The following WDR17 variants were observed in gnomAD, a reference collection of about 807,000 sequenced individuals.
The protein encoded by WDR17 is WD repeat-containing protein 17.
WDR17 carries 143 observed loss-of-function variants against 161.7 expected under a neutral mutation model. The observed-to-expected ratio is 0.88, with a 90% CI of 0.77 to 1.02. WDR17 has a LOEUF of 1.02. Ranked by LOEUF, WDR17 falls within the 50% of genes least tolerant of loss-of-function variation. The pLI is 0.00. For missense variants in WDR17, 1,469 were observed against 1,520.9 expected, an observed-to-expected ratio of 0.97 and a Z score of 0.57; for synonymous variants, 517 against 515.6, an observed-to-expected ratio of 1.00 and a Z score of -0.04.
rs900506871 is a variant in WDR17 at position 176,166,815 on chromosome 4, A to G, written c.2991-1857A>G. Among the ~76,000 whole-genome samples, 7 of 152,200 alleles carry G rather than the reference A, an allele frequency of 4.6e-5. No individual in the cohort carries two copies. The South Asian group carries it at 6.2e-4, about 13-fold the overall frequency. ...ACTACTCTAACTTGGAACCTGCCCA[A>G]TGTAATAGAAAATGTGGCAGTTTGG... On this transcript the variant is annotated intron_variant, in intron 22 of 28. Coordinates refer to ENST00000508596, the MANE Select transcript of WDR17 (RefSeq NM_181265.4).
chr4:176,179,753 A>G lies in WDR17; in HGVS notation c.*174A>G. 1 of 310,950 alleles carries G rather than the reference A, an allele frequency of 3.2e-6. No individual in the cohort carries two copies. Among genetic ancestry groups the G allele is most frequent in the Non-Finnish European group, 5.3e-6 (1 of 188,288 alleles). The allele number at this position is 310,950 out of a possible 1,614,324, so 19.3% of individuals were successfully genotyped here. ...TTAACTTCAAAATATATATATATATATAATTTAAAGGAAAAATAGGTGCCT... is the reference window on the plus strand; with the variant it reads ...TTAACTTCAAAATATATATATATATGTAATTTAAAGGAAAAATAGGTGCCT... On this transcript the variant is annotated 3_prime_UTR_variant, in exon 29 of 29. Coordinates refer to ENST00000508596, the MANE Select transcript of WDR17 (RefSeq NM_181265.4).
rs1412136825 is a variant in WDR17 at position 176,125,248 on chromosome 4, A to G, written c.683A>G (p.Asp228Gly). ...TTGCATTATGGAATTCGCCTGGTAG[A>G]TTCTGAATCACTTTCTTGCATAACA... is the stretch of plus-strand genomic sequence containing the variant. ...VNLHYGIRLV[D>G]SESLSCITTF... The change falls in exon 5 of 29, where the codon GAT (aspartate) becomes GGT (glycine). Residue 228 changes from aspartate (D) to glycine (G), a missense_variant. Coordinates refer to ENST00000508596, the MANE Select transcript of WDR17 (RefSeq NM_181265.4). 6.2e-7 allele frequency: 1 copy of G among 1,614,162 alleles called. No individual in the cohort carries two copies. Among genetic ancestry groups the G allele is most frequent in the Admixed American group, 1.7e-5 (1 of 60,016 alleles).
At chr4:176,085,815 C>T (rs922942434) in intron 1 of WDR17, among the ~76,000 whole-genome samples, 2 of 151,856 alleles carry the variant, frequency 1.3e-5, no homozygotes, top group Admixed American at 6.6e-5. Context: ...GGAATGATTT[C>T]CTTTTCTACA....
Position 176,181,443 on chromosome 4 carries a change from G to T in WDR17, c.*1864G>T. The T allele has an allele frequency of 4.9e-6, 1 of 205,396 alleles. No individual in the cohort carries two copies. Among genetic ancestry groups the T allele is most frequent in the South Asian group, 9.2e-5 (1 of 10,906 alleles). The allele number at this position is 205,396 out of a possible 1,614,324, so 12.7% of individuals were successfully genotyped here. A position where few individuals can be genotyped will look rare whatever the true frequency, so the allele number is the denominator to read the frequency against. On this transcript the variant is annotated 3_prime_UTR_variant, in exon 29 of 29. Coordinates refer to ENST00000508596, the MANE Select transcript of WDR17 (RefSeq NM_181265.4). ...GATCGCACTACTGCACTCCAGCCTG[G>T]GCGACAGAGCAAGACCACCATCTCC...
Position 176,182,812 on chromosome 4 carries a change from C to T in WDR17, c.*3233C>T, listed in dbSNP as rs181077179. 6.6e-6 allele frequency: 1 copy of T among 152,038 alleles called. No individual in the cohort carries two copies. The highest frequency in any genetic ancestry group is 1.5e-5 in the Non-Finnish European group (1 of 67,986). 9.4% of individuals were successfully genotyped at this position (152,038 alleles called of 1,614,324 possible). A position where few individuals can be genotyped will look rare whatever the true frequency, so the allele number is the denominator to read the frequency against. On this transcript the variant is annotated 3_prime_UTR_variant, in exon 29 of 29. Coordinates refer to ENST00000508596, the MANE Select transcript of WDR17 (RefSeq NM_181265.4). This position sits in a 1 kb window ranked among gnomAD's most constrained non-coding sequence, Gnocchi z 4.2. ...TTTTAATAAATATTACAGTTAAATC[C>T]TGATATGACATAGTTACCGGCTAAG... is the stretch of plus-strand genomic sequence containing the variant.
chr4:176,124,628 G>C (rs1341237013), intron 4 of WDR17, among the ~76,000 whole-genome samples: 1 of 152,114 alleles, frequency 6.6e-6, no homozygotes, highest in African/African-American at 2.4e-5. Context: ...TGAGGCACAG[G>C]GAGATTAAGT....
At chr4:176,080,010 A>C (rs1450587154) in intron 1 of WDR17, among the ~76,000 whole-genome samples, 1 of 152,072 alleles carries the variant, frequency 6.6e-6, no homozygotes, top group Non-Finnish European at 1.5e-5. Context: ...CTCATGATCT[A>C]ATCAATTTTA....
At chr4:176,092,607 A>C (rs1163845464) in intron 1 of WDR17, among the ~76,000 whole-genome samples, 1 of 152,200 alleles carries the variant, frequency 6.6e-6, no homozygotes, top group Non-Finnish European at 1.5e-5. Context: ...CCTTGTTTGC[A>C]GAGGATATGA....
chr4:176,096,547 T>C (rs761805571), intron 1 of WDR17: 13 of 1,600,382 alleles, frequency 8.1e-6, no homozygotes, highest in Non-Finnish European at 1.0e-5. Context: ...CATTTCAAAT[T>C]GGTTTGAGCA....
chr4:176,105,006 A>T (rs983492346), intron 1 of WDR17, among the ~76,000 whole-genome samples: 1 of 152,124 alleles, frequency 6.6e-6, no homozygotes, highest in African/African-American at 2.4e-5. Context: ...AGATCCAAAG[A>T]CACAAATAGA....
intron 11 of WDR17, among the ~76,000 whole-genome samples, chr4:176,143,060 G>A (rs1230256449): frequency 6.6e-6 from 1 of 152,150 alleles, no homozygotes; most frequent in Non-Finnish European, 1.5e-5. Flanking sequence ...TGTATTTTTA[G>A]TAGAGACGGG....
chr4:176,137,690 T>C, intron 9 of WDR17, 79 bp downstream of exon 9: 1 of 841,516 alleles, frequency 1.2e-6, no homozygotes, highest in South Asian at 2.9e-5. Context: ...TTTTATTTCT[T>C]AATATAATAT....
chr4:176,177,554 A>G lies in WDR17; in HGVS notation c.3632A>G (p.Glu1211Gly), dbSNP rs1406369560. 1 of 1,599,230 alleles carries G rather than the reference A, an allele frequency of 6.3e-7. No homozygotes were observed. The highest frequency in any genetic ancestry group is 8.5e-7 in the Non-Finnish European group (1 of 1,176,444). ...ACTTTATTAAAGAGACTAAAAGAAGAGTCACTGAAAGGAATTATTGGACCA... is the reference window on the plus strand; with the variant it reads ...ACTTTATTAAAGAGACTAAAAGAAGGGTCACTGAAAGGAATTATTGGACCA... Reference protein sequence around the residue: ...YATLLKRLKEESLKGIIGPDY... With the variant: ...YATLLKRLKEGSLKGIIGPDY... The change falls in exon 28 of 29, where the codon GAG becomes GGG. Residue 1211 changes from glutamate to glycine, a missense_variant. Transcript: ENST00000508596.
chr4:176,112,196 A>G (rs563019078), intron 2 of WDR17, among the ~76,000 whole-genome samples: 2 of 152,296 alleles, frequency 1.3e-5, no homozygotes, highest in African/African-American at 4.8e-5. Context: ...CCAGCTAACC[A>G]TGCATCTAAA....
Position 176,150,473 on chromosome 4 carries a change from AG to A in WDR17, c.2186del (p.Gly729ValfsTer12). Reference protein sequence around the residue: ...RWFSECLSPPGGSDNLWNLVA... With the variant: ...RWFSECLSPPXGSDNLWNLVA... ...ATTTTTTGTCAACTCTTTAGCCTCCAGGTGGCAGTGACAATTTATGGAACTT... is the reference window on the plus strand; with the variant it reads ...ATTTTTTGTCAACTCTTTAGCCTCCAGTGGCAGTGACAATTTATGGAACTT... On this transcript the variant is annotated frameshift_variant, in exon 16 of 29. Transcript: ENST00000508596. LOFTEE classifies it high-confidence loss of function. 1 of 1,606,086 alleles carries A rather than the reference AG, an allele frequency of 6.2e-7. No homozygotes were observed. Among genetic ancestry groups the A allele is most frequent in the Non-Finnish European group, 8.5e-7 (1 of 1,177,876 alleles).
chr4:176,141,679 C>A (rs1017912517), intron 10 of WDR17, among the ~76,000 whole-genome samples: 1 of 152,098 alleles, frequency 6.6e-6, no homozygotes, highest in Admixed American at 6.6e-5. Context: ...GTGATCCACC[C>A]GCCTCGACCT....
chr4:176,149,687 T>C, intron 13 of WDR17, 120 bp from the exon 14 acceptor site: 1 of 1,208,394 alleles, frequency 8.3e-7, no homozygotes, highest in East Asian at 2.5e-5. Flanking sequence ...CTGAGAACCT[T>C]TCAGTTACTC....
In WDR17 at chr4:176,065,867, G is replaced by T. The variant is rs958554765; in HGVS notation, c.-219G>T. The T allele has an allele frequency of 6.6e-6, 1 of 152,138 alleles. No individual in the cohort carries two copies. Among genetic ancestry groups the T allele is most frequent in the Admixed American group, 6.5e-5 (1 of 15,284 alleles). 9.4% of individuals were successfully genotyped at this position (152,138 alleles called of 1,614,324 possible). On this transcript the variant is annotated 5_prime_UTR_variant, in exon 1 of 29. Coordinates refer to ENST00000508596, the MANE Select transcript of WDR17 (RefSeq NM_181265.4). ...GGCAGACCCTGGAGATCGGGCTCGCGGCGCCTTCCATCGTGGCTCCGCGCT... is the reference window on the plus strand; with the variant it reads ...GGCAGACCCTGGAGATCGGGCTCGCTGCGCCTTCCATCGTGGCTCCGCGCT...
At chr4:176,108,288 A>G (rs2126682965) in intron 1 of WDR17, among the ~76,000 whole-genome samples, 1 of 152,344 alleles carries the variant, frequency 6.6e-6, no homozygotes, top group Non-Finnish European at 1.5e-5. Flanking sequence ...AAGCCAAACT[A>G]AATGTATATT....
Sources: allele counts gnomAD v4.1 joint callset (sites outside exome capture counted in the v4.1 genomes callset), GRCh38; gene constraint gnomAD v4.1.1; non-coding constraint Gnocchi (gnomAD v3.1); transcripts MANE v1.5; gene names NCBI Gene and HGNC (gene_info 2026-07-23, HGNC 2026-07-21).